Variants in MED12L observed in about 807,000 individuals in gnomAD.
MED12L encodes mediator complex subunit 12L, also known as mediator of RNA polymerase II transcription subunit 12-like protein.
MED12L carries 60 observed loss-of-function variants against 281.3 expected under a neutral mutation model. The observed-to-expected ratio is 0.21, with a 90% confidence interval of 0.17 to 0.26. MED12L has a LOEUF of 0.26. Ranked by LOEUF, MED12L falls within the 10% of genes least tolerant of loss-of-function variation. The probability of loss-of-function intolerance (pLI) is 1.00; values close to 1 mark genes in which losing one functional copy is unlikely to be tolerated. For missense variants in MED12L, 2,146 were observed against 2,680.9 expected (o/e 0.80, Z 4.41); for synonymous variants, 974 against 987.2 (o/e 0.99, Z 0.25).
chr3:151,283,480 C>A (rs1743082385), intron 16 of MED12L, among the ~76,000 whole-genome samples: 2 of 152,246 alleles, frequency 1.3e-5, no homozygotes. Flanking sequence ...ACCTTGAGGT[C>A]TCACAAATGT....
At position 151,371,183 on chromosome 3, in the gene MED12L, C is replaced by G. The variant is rs141844667; in HGVS notation, c.3665-1384C>G. Among the ~76,000 whole-genome samples, 211 of 152,260 alleles carry G rather than the reference C, an allele frequency of 1.4e-3. 2 individuals carry two copies. The highest frequency in any genetic ancestry group is 4.6e-3 in the African/African-American group (193 of 41,558). ...TTCTCTTTTCTTATTTGCAGAAGCT[C>G]TAATTTATCCACCCTACCATGCCCT... On this transcript the variant is annotated intron_variant, in intron 26 of 44. Coordinates refer to ENST00000687756, the MANE Select transcript of MED12L (RefSeq NM_001393769.1).
At chr3:151,151,424 G>A (rs1412120373) in intron 5 of MED12L, among the ~76,000 whole-genome samples, 3 of 152,056 alleles carry the variant, frequency 2.0e-5, no homozygotes, top group Non-Finnish European at 2.9e-5. Flanking sequence ...CTTCTGGCCT[G>A]TCTTGGCTTT....
intron 2 of MED12L, among the ~76,000 whole-genome samples, chr3:151,115,476 G>A (rs1712618131): frequency 6.6e-6 from 1 of 150,924 alleles, no homozygotes; most frequent in Non-Finnish European, 1.5e-5. Context: ...AGCCTGCAGA[G>A]TAGCTGGGAT....
chr3:151,172,820 G>A (rs1721597400), intron 11 of MED12L, among the ~76,000 whole-genome samples: 1 of 152,216 alleles, frequency 6.6e-6, no homozygotes, highest in Non-Finnish European at 1.5e-5. Flanking sequence ...TCACAGCCCA[G>A]CCAGAAGTGT....
At chr3:151,431,049 C>A (rs550509193) in intron 44 of MED12L, among the ~76,000 whole-genome samples, 1 of 152,126 alleles carries the variant, frequency 6.6e-6, no homozygotes. Flanking sequence ...AATTGAATCA[C>A]CCCTGGGCGG....
intron 16 of MED12L, among the ~76,000 whole-genome samples, chr3:151,209,784 A>G (rs1726873585): frequency 6.6e-6 from 1 of 152,170 alleles, no homozygotes; most frequent in African/African-American, 2.4e-5. Context: ...CTTGACTAAC[A>G]TCATCAAGCA....
intron 36 of MED12L, among the ~76,000 whole-genome samples, chr3:151,387,568 TGCCTCTGTTGCCTAAACAGA>T (rs965681265): frequency 6.6e-6 from 1 of 152,182 alleles, no homozygotes; most frequent in African/African-American, 2.4e-5. Context: ...TATGCTAGAC[TGCCTCTGTTGCCTAAACAGA>T]GCATCATGTG....
chr3:151,107,157 A>G (rs1324635832), intron 2 of MED12L, among the ~76,000 whole-genome samples: 1 of 142,356 alleles, frequency 7.0e-6, no homozygotes, highest in Non-Finnish European at 1.5e-5. Flanking sequence ...ATTGCATTTT[A>G]GTTATACTTA....
intron 16 of MED12L, among the ~76,000 whole-genome samples, chr3:151,205,967 G>A (rs1302103748): frequency 6.6e-6 from 1 of 152,058 alleles, no homozygotes; most frequent in East Asian, 1.9e-4. Context: ...ATTTACAAAT[G>A]GAAGATTTTT....
chr3:151,330,330 C>T (rs1349073687), intron 16 of MED12L, among the ~76,000 whole-genome samples: 1 of 152,128 alleles, frequency 6.6e-6, no homozygotes, highest in Non-Finnish European at 1.5e-5. Flanking sequence ...AGTAGAGGGC[C>T]ATTTTTAGAA....
At chr3:151,290,319 G>A (rs755253953) in intron 16 of MED12L, among the ~76,000 whole-genome samples, 20 of 131,026 alleles carry the variant, frequency 1.5e-4, no homozygotes, top group Non-Finnish European at 2.7e-4. Flanking sequence ...AGAGATGTGT[G>A]TCTCTAAGGA....
At chr3:151,241,538 C>T (rs547038258) in intron 16 of MED12L, among the ~76,000 whole-genome samples, 1 of 152,172 alleles carries the variant, frequency 6.6e-6, no homozygotes, top group South Asian at 2.1e-4. Context: ...TGGAGAGATG[C>T]AAATGCTAGT....
chr3:151,108,053 T>A (rs1237390211), intron 2 of MED12L, among the ~76,000 whole-genome samples: 1 of 152,190 alleles, frequency 6.6e-6, no homozygotes, highest in African/African-American at 2.4e-5. Context: ...TAGATGCTGC[T>A]TTTTCGCTTC....
At chr3:151,274,530 A>G (rs760958906) in intron 16 of MED12L, among the ~76,000 whole-genome samples, 1 of 152,146 alleles carries the variant, frequency 6.6e-6, no homozygotes, top group African/African-American at 2.4e-5. Context: ...ACTAAAGGCC[A>G]CCTCCTAGGA....
intron 16 of MED12L, among the ~76,000 whole-genome samples, chr3:151,345,041 G>A (rs980754462): frequency 5.3e-5 from 8 of 152,090 alleles, no homozygotes; most frequent in South Asian, 4.1e-4. Flanking sequence ...ATTTTAATTC[G>A]TGTAGTACAA....
chr3:151,429,122 G>C lies in MED12L; in HGVS notation c.6409-1177G>C, dbSNP rs539586411. Among the ~76,000 whole-genome samples, 18 of 152,354 alleles carry C rather than the reference G, an allele frequency of 1.2e-4. No homozygotes were observed. In the East Asian group the frequency reaches 2.3e-3, roughly 20 times the overall value. ...TAATCCCAGCGGGACAAGAAGGGGAGAGAGGTAGGGAGGCTACCTGACAGG... is the reference window on the plus strand; with the variant it reads ...TAATCCCAGCGGGACAAGAAGGGGACAGAGGTAGGGAGGCTACCTGACAGG... On this transcript the variant is annotated intron_variant, in intron 43 of 44. Coordinates refer to ENST00000687756, the MANE Select transcript of MED12L (RefSeq NM_001393769.1).
At chr3:151,334,972 A>C (rs1750793912) in intron 16 of MED12L, among the ~76,000 whole-genome samples, 1 of 152,234 alleles carries the variant, frequency 6.6e-6, no homozygotes, top group African/African-American at 2.4e-5. Flanking sequence ...TTCAAATTTC[A>C]TATAAATTTC....
chr3:151,396,153 A>G (rs2108265425), intron 39 of MED12L, among the ~76,000 whole-genome samples: 1 of 152,346 alleles, frequency 6.6e-6, no homozygotes, highest in East Asian at 1.9e-4. Flanking sequence ...AAAATTATTT[A>G]ATTTGCCTAA....
chr3:151,161,009 G>C (rs1270354304), intron 8 of MED12L, among the ~76,000 whole-genome samples: 1 of 152,210 alleles, frequency 6.6e-6, no homozygotes. Flanking sequence ...GTGTTAGTGG[G>C]ACATACATTA....
Sources: allele counts gnomAD v4.1 joint callset (sites outside exome capture counted in the v4.1 genomes callset), GRCh38; gene constraint gnomAD v4.1.1; transcripts MANE v1.5; gene names NCBI Gene and HGNC (gene_info 2026-07-23, HGNC 2026-07-21).